MED28: variants seen among roughly 807,000 people sequenced by gnomAD.
MED28 encodes mediator of RNA polymerase II transcription subunit 28.
MED28 carries 26 observed loss-of-function variants against 21.3 expected under a neutral mutation model. That is an observed-to-expected ratio of 1.22 (90% CI 0.89 to 1.69). The LOEUF is 1.69. MED28 is among the 40% of genes most tolerant of loss of function. The pLI is 0.00. For synonymous variants in MED28, 110 were observed against 87.6 expected, an observed-to-expected ratio of 1.26 and a Z score of -1.43; for missense variants, 257 against 215.4, an observed-to-expected ratio of 1.19 and a Z score of -1.21.
intron 3 of MED28, among the ~76,000 whole-genome samples, chr4:17,622,304 C>G (rs902567588): frequency 2.6e-5 from 4 of 152,198 alleles, no homozygotes; most frequent in Non-Finnish European, 5.9e-5. Context: ...GTGAGAAACA[C>G]TGAATTGAGA....
rs979667594 is a variant in MED28, at chr4:17,629,483, C to G, written c.*5685C>G. 1.3e-5 allele frequency: 2 copies of G among 152,172 alleles called. No individual in the cohort carries two copies. The highest frequency in any genetic ancestry group is 4.8e-5 in the African/African-American group (2 of 41,432). 9.4% of individuals were successfully genotyped at this position (152,172 alleles called of 1,614,324 possible). On this transcript the variant is annotated 3_prime_UTR_variant, in exon 4 of 4. Coordinates refer to ENST00000237380, the MANE Select transcript of MED28 (RefSeq NM_025205.5). ...AGGGCTCAGGTATGTGGTGTGCAGC[C>G]ATTGACTGGGTGAATCCATTTTTAC...
chr4:17,632,738 C>T lies in MED28; in HGVS notation c.*8940C>T, dbSNP rs972093554. The T allele has an allele frequency of 1.7e-5, 12 of 693,230 alleles. No homozygotes were observed. The highest frequency in any genetic ancestry group is 2.7e-5 in the Non-Finnish European group (11 of 409,778). 42.9% of individuals were successfully genotyped at this position (693,230 alleles called of 1,614,324 possible). A position where few individuals can be genotyped will look rare whatever the true frequency, so the allele number is the denominator to read the frequency against. On this transcript the variant is annotated 3_prime_UTR_variant, in exon 4 of 4. Transcript: ENST00000237380. ...CTGCTTGTTTACTCTTCAAAAACAC[C>T]CAAATGGGACTGGCCAACATTAGTA... is the stretch of plus-strand genomic sequence containing the variant.
Position 17,623,588 on chromosome 4 carries a change from C to T in MED28, c.340-13C>T, listed in dbSNP as rs1421196161. On this transcript the variant is annotated splice_polypyrimidine_tract_variant and intron_variant, in intron 3 of 3. Transcript: ENST00000237380. Reference sequence around the variant, plus strand: ...GCATTTGCTCTGACTTAGTCCATGACTTTCATCTGCAGGATGTGTCAGAAC... The same window carrying T: ...GCATTTGCTCTGACTTAGTCCATGATTTTCATCTGCAGGATGTGTCAGAAC... 6.2e-7 allele frequency: 1 copy of T among 1,612,982 alleles called. No homozygotes were observed. Among genetic ancestry groups the T allele is most frequent in the Non-Finnish European group, 8.5e-7 (1 of 1,179,478 alleles).
In MED28 at chr4:17,623,819, G is replaced by A; in HGVS notation, c.*21G>A. On this transcript the variant is annotated 3_prime_UTR_variant, in exon 4 of 4. Transcript: ENST00000237380. Reference sequence around the variant, plus strand: ...CGTGAGCAAAGGGCAGAGGCAGTTGGCCTATGAGTGGGCTGATGCGTGAGG... The same window carrying A: ...CGTGAGCAAAGGGCAGAGGCAGTTGACCTATGAGTGGGCTGATGCGTGAGG... The A allele has an allele frequency of 6.2e-7, 1 of 1,604,690 alleles. No individual in the cohort carries two copies. Among genetic ancestry groups the A allele is most frequent in the Non-Finnish European group, 8.5e-7 (1 of 1,174,534 alleles).
At chr4:17,622,540 T>C (rs1394730336) in intron 3 of MED28, among the ~76,000 whole-genome samples, 2 of 150,666 alleles carry the variant, frequency 1.3e-5, no homozygotes, top group African/African-American at 5.0e-5. Flanking sequence ...ATTTTAACAG[T>C]TCATAATCTG....
At chr4:17,618,264 C>T (rs1450415121) in intron 1 of MED28, among the ~76,000 whole-genome samples, 1 of 152,050 alleles carries the variant, frequency 6.6e-6, no homozygotes, top group African/African-American at 2.4e-5. Context: ...CCATCTTGGC[C>T]TCCAAAATTG....
intron 1 of MED28, among the ~76,000 whole-genome samples, chr4:17,619,233 C>G (rs1714547612): frequency 6.6e-6 from 1 of 152,172 alleles, no homozygotes; most frequent in African/African-American, 2.4e-5. Context: ...TTAGAGATAA[C>G]TCTCTCTGGG....
chr4:17,632,043 A>ATTTTTTTTTTTTTTTTTTTTTTTTTTTT lies in MED28; in HGVS notation c.*8262_*8289dup, dbSNP rs199549580. On this transcript the variant is annotated 3_prime_UTR_variant, in exon 4 of 4. Transcript: ENST00000237380. Reference sequence around the variant, plus strand: ...TTTTAATAACACTGGTTTAATGTCAATTTTTTTTTTTTTTTTTTTTTTTTT... The same window carrying ATTTTTTTTTTTTTTTTTTTTTTTTTTTT: ...TTTTAATAACACTGGTTTAATGTCAATTTTTTTTTTTTTTTTTTTTTTTTTTTTTTTTTTTTTTTTTTTTTTTTTTTTT... 1.7e-5 allele frequency: 2 copies of ATTTTTTTTTTTTTTTTTTTTTTTTTTTT among 117,624 alleles called. No individual in the cohort carries two copies. The highest frequency in any genetic ancestry group is 8.6e-5 in the Admixed American group (1 of 11,634). 7.3% of individuals were successfully genotyped at this position (117,624 alleles called of 1,614,324 possible).
chr4:17,615,251 T>G (rs1714415479), intron 1 of MED28, among the ~76,000 whole-genome samples: 1 of 152,162 alleles, frequency 6.6e-6, no homozygotes, highest in South Asian at 2.1e-4. Flanking sequence ...TTGACTTAAG[T>G]TACCAGGCGC....
rs939302642 is a variant in MED28 at position 17,630,581 on chromosome 4, T to G, written c.*6783T>G. The stretch of plus-strand genomic sequence containing the variant: ...TAAATTATCCAGTATAAGTAAGATA[T>G]TTTGTTAGAGCAGCCTGAACGAACT... On this transcript the variant is annotated 3_prime_UTR_variant, in exon 4 of 4. Coordinates refer to ENST00000237380, the MANE Select transcript of MED28 (RefSeq NM_025205.5). 6.6e-6 allele frequency: 1 copy of G among 152,194 alleles called. No homozygotes were observed. Among genetic ancestry groups the G allele is most frequent in the African/African-American group, 2.4e-5 (1 of 41,444 alleles). 9.4% of individuals were successfully genotyped at this position (152,194 alleles called of 1,614,324 possible). A position where few individuals can be genotyped will look rare whatever the true frequency, so the allele number is the denominator to read the frequency against.
Position 17,614,760 on chromosome 4 carries a change from G to A in MED28, c.106G>A (p.Ala36Thr). 1 of 1,614,218 alleles carries A rather than the reference G, an allele frequency of 6.2e-7. No homozygotes were observed. The change falls in exon 1 of 4, where the codon GCT (alanine) becomes ACT (threonine). Residue 36 changes from alanine to threonine, a missense_variant. Transcript: ENST00000237380. The part of the protein sequence containing the change: ...QASLLQAAPG[A>T]PRPSSSTLVD... ...TTCGCTTCTTCAGGCAGCTCCAGGC[G>A]CTCCTAGACCTTCCAGCAGTACTTT...
intron 1 of MED28, among the ~76,000 whole-genome samples, chr4:17,618,800 A>G (rs914473904): frequency 4.6e-5 from 7 of 152,220 alleles, no homozygotes; most frequent in African/African-American, 1.4e-4. Flanking sequence ...GGGCCTCCCA[A>G]AAGTGTTGGG....
rs751433621 is a variant in MED28 at position 17,623,724 on chromosome 4, G to T, written c.463G>T (p.Asp155Tyr). Residue 155 changes from aspartate to tyrosine, a missense_variant, in exon 4 of 4, where the codon GAC (aspartate) becomes TAC (tyrosine). Physicochemically the swap from Asp to Tyr is radical, Grantham distance 160 (BLOSUM62 -3). Transcript: ENST00000237380. ...CAACGTGCAGCACAAAAAGCCCGCC[G>T]ACATCCCTCAGGGCTCCTTGGCCTA... is the stretch of plus-strand genomic sequence containing the variant. ...DINVQHKKPADIPQGSLAYLE... is the reference protein window; with the variant it reads ...DINVQHKKPAYIPQGSLAYLE... 2 of 1,614,204 alleles carry T rather than the reference G, an allele frequency of 1.2e-6. No individual in the cohort carries two copies. Among genetic ancestry groups the T allele is most frequent in the Admixed American group, 1.7e-5 (1 of 60,016 alleles).
rs373916760 is a variant in MED28, at chr4:17,621,545, T to C, written c.227-42T>C. 1,251 of 1,336,072 alleles carry C rather than the reference T, an allele frequency of 9.4e-4. 4 individuals carry two copies. The highest frequency in any genetic ancestry group is 8.5e-4 in the Non-Finnish European group (824 of 965,014). 82.8% of individuals were successfully genotyped at this position (1,336,072 alleles called of 1,614,324 possible). A position where few individuals can be genotyped will look rare whatever the true frequency, so the allele number is the denominator to read the frequency against. Reference sequence around the variant, plus strand: ...TTTATGAGGGAGATAAATGAGTCTGTTGTTTTTCTTATTTTAATAATTTTG... The same window carrying C: ...TTTATGAGGGAGATAAATGAGTCTGCTGTTTTTCTTATTTTAATAATTTTG... On this transcript the variant is annotated intron_variant, in intron 2 of 3. Transcript: ENST00000237380.
Position 17,633,962 on chromosome 4 carries a change from A to C in MED28, c.*10164A>C. ...ATAAAGCATTATTGTAAAAGCAAATAATGCTCACCCAATCAAAATTGTATC... is the reference window on the plus strand; with the variant it reads ...ATAAAGCATTATTGTAAAAGCAAATCATGCTCACCCAATCAAAATTGTATC... On this transcript the variant is annotated 3_prime_UTR_variant, in exon 4 of 4. Transcript: ENST00000237380. The C allele has an allele frequency of 8.5e-7, 1 of 1,179,764 alleles. No homozygotes were observed. 73.1% of individuals were successfully genotyped at this position (1,179,764 alleles called of 1,614,324 possible).
rs1714882923 is a variant in MED28, at chr4:17,630,201, G to A, written c.*6403G>A. On this transcript the variant is annotated 3_prime_UTR_variant, in exon 4 of 4. Transcript: ENST00000237380. Reference sequence around the variant, plus strand: ...TCAACACACAAAAATAGAACCACCTGTATGTAGTCTTTTTGAAAGCACAAA... The same window carrying A: ...TCAACACACAAAAATAGAACCACCTATATGTAGTCTTTTTGAAAGCACAAA... 2.0e-5 allele frequency: 3 copies of A among 152,126 alleles called. No homozygotes were observed. Among genetic ancestry groups the A allele is most frequent in the African/African-American group, 2.4e-5 (1 of 41,432 alleles). The allele number at this position is 152,126 out of a possible 1,614,324, so 9.4% of individuals were successfully genotyped here.
At chr4:17,615,555 T>TA (rs1714424534) in intron 1 of MED28, among the ~76,000 whole-genome samples, 1 of 152,210 alleles carries the variant, frequency 6.6e-6, no homozygotes. Flanking sequence ...CTCACGCCTG[T>TA]AATCCCAGCA....
At chr4:17,617,869 T>G (rs1714494356) in intron 1 of MED28, among the ~76,000 whole-genome samples, 1 of 151,988 alleles carries the variant, frequency 6.6e-6, no homozygotes, top group African/African-American at 2.4e-5. Flanking sequence ...ATCGTGCCAC[T>G]GACTCTAGCC....
chr4:17,615,334 C>T (rs1007932631), intron 1 of MED28, among the ~76,000 whole-genome samples: 2 of 152,144 alleles, frequency 1.3e-5, no homozygotes, highest in Admixed American at 1.3e-4. Context: ...GTGACCCAAT[C>T]TCTCAGTTTT....
Sources: gnomAD v4.1 joint callset for allele counts (sites outside exome capture counted in the v4.1 genomes callset) on GRCh38, gnomAD v4.1.1 for gene constraint, MANE v1.5 for transcripts, NCBI Gene and HGNC (gene_info 2026-07-23, HGNC 2026-07-21) for gene names.